Variants in ABCB11 observed in about 807,000 individuals in gnomAD.
The protein encoded by ABCB11 is bile salt export pump.
ABCB11 carries 95 observed loss-of-function variants against 148.0 expected under a neutral mutation model. The observed-to-expected ratio is 0.64, with a 90% CI of 0.54 to 0.76. The LOEUF (loss-of-function observed/expected upper bound fraction) is 0.76. ABCB11 is among the 30% of genes least tolerant of loss of function. The probability of loss-of-function intolerance (pLI) is 0.00; values close to 1 mark genes in which losing one functional copy is unlikely to be tolerated. For synonymous variants in ABCB11, 591 were observed against 555.4 expected (o/e 1.06, Z -0.90); for missense variants, 1,523 against 1,617.8 (o/e 0.94, Z 1.01).
intron 5 of ABCB11, among the ~76,000 whole-genome samples, chr2:169,007,075 T>C (rs550005755): frequency 2.1e-4 from 32 of 152,280 alleles, no homozygotes; most frequent in African/African-American, 7.7e-4. Context: ...TCCCTAGTAG[T>C]AGAATCACAC....
intron 12 of ABCB11, among the ~76,000 whole-genome samples, chr2:168,974,446 A>G (rs10200453): frequency 0.57 from 86,740 of 151,736 alleles, 25,025 homozygotes; most frequent in East Asian, 0.72. Context: ...ATTTTCACCA[A>G]TTAAGAGGTG....
At chr2:168,924,581 C>T (rs757403151) in intron 27 of ABCB11, 76 bp downstream of exon 27, 114 of 1,446,076 alleles carry the variant, frequency 7.9e-5, no homozygotes, top group Non-Finnish European at 1.0e-4. Context: ...GAAAATAGTG[C>T]CATTTTATTA....
intron 25 of ABCB11, among the ~76,000 whole-genome samples, chr2:168,928,620 C>G (rs779624320): frequency 5.9e-5 from 9 of 152,168 alleles, no homozygotes; most frequent in Non-Finnish European, 1.0e-4. Flanking sequence ...AGAACATTCA[C>G]TGGGCATATT....
intron 11 of ABCB11, among the ~76,000 whole-genome samples, chr2:168,977,069 G>T (rs1693939620): frequency 6.8e-6 from 1 of 147,586 alleles, no homozygotes; most frequent in South Asian, 2.1e-4. Flanking sequence ...TGTTGTTACT[G>T]AGATATTATA....
intron 5 of ABCB11, among the ~76,000 whole-genome samples, chr2:169,007,362 G>T (rs149836012): frequency 5.3e-5 from 8 of 152,282 alleles, no homozygotes; most frequent in African/African-American, 1.9e-4. Flanking sequence ...GTGGATCGTA[G>T]ACTAACCGTG....
chr2:168,969,387 G>A lies in ABCB11; in HGVS notation c.1974C>T (p.Ser658=). The change falls in exon 16 of 28, where the codon AGC becomes AGT. Residue 658 remains serine (S), a synonymous_variant. Transcript: ENST00000650372. The stretch of plus-strand genomic sequence containing the variant: ...CTTCATTAAGAGCTTGATTTCCCTG[G>A]CTTTGCAAAGTCACTAGAGTGAAGT... ...GVYFTLVTLQ[S]QGNQALNEED... 1 of 1,612,388 alleles carries A rather than the reference G, an allele frequency of 6.2e-7. No homozygotes were observed. Among genetic ancestry groups the A allele is most frequent in the Non-Finnish European group, 8.5e-7 (1 of 1,179,146 alleles).
At position 168,941,649 on chromosome 2, in the gene ABCB11, A is replaced by G. The variant is rs140801079; in HGVS notation, c.2610+2956T>C. 3.2e-3 allele frequency among the ~76,000 whole-genome samples: 484 copies of G among 152,180 alleles called. 4 individuals carry two copies. The highest frequency in any genetic ancestry group is 6.8e-3 in the Middle Eastern group (2 of 294). The stretch of plus-strand genomic sequence containing the variant: ...TAGCAGCAGGGTTTAAGAGAACTCA[A>G]TCCAATTTTGAAAGACATTCTACTG... On this transcript the variant is annotated intron_variant, in intron 21 of 27. Transcript: ENST00000650372.
chr2:169,023,669 C>T (rs1360940896), intron 1 of ABCB11, among the ~76,000 whole-genome samples: 1 of 152,094 alleles, frequency 6.6e-6, no homozygotes, highest in African/African-American at 2.4e-5. Context: ...CTGTATGATA[C>T]CATTTATGTA....
At chr2:169,016,741 T>C (rs774946550) in intron 3 of ABCB11, 37 bp downstream of exon 3, 5 of 1,561,582 alleles carry the variant, frequency 3.2e-6, no homozygotes, top group Non-Finnish European at 4.4e-6. Context: ...GGAGTTATTC[T>C]AGAAAAGATG....
chr2:168,970,747 T>C (rs570150869), intron 14 of ABCB11, among the ~76,000 whole-genome samples: 14 of 152,154 alleles, frequency 9.2e-5, no homozygotes, highest in African/African-American at 3.1e-4. Context: ...TCTTGCTTAT[T>C]ACTAACCAAC....
intron 1 of ABCB11, among the ~76,000 whole-genome samples, chr2:169,030,060 G>A (rs13397300): frequency 6.6e-6 from 1 of 152,136 alleles, no homozygotes; most frequent in Non-Finnish European, 1.5e-5. Context: ...TCTTGACCAA[G>A]CAAAACACAA....
At chr2:168,930,541 T>C (rs2105888113) in intron 25 of ABCB11, 124 bp downstream of exon 25, 2 of 631,020 alleles carry the variant, frequency 3.2e-6, no homozygotes, top group Non-Finnish European at 4.7e-6. Context: ...AAAATATGCA[T>C]GGGGTAAGTG....
At chr2:168,980,619 G>T (rs1694102343) in intron 10 of ABCB11, among the ~76,000 whole-genome samples, 2 of 152,152 alleles carry the variant, frequency 1.3e-5, no homozygotes, top group South Asian at 4.1e-4. Context: ...ATTTGCACTA[G>T]GTTACAACAT....
At chr2:169,024,091 G>A (rs541758539) in intron 1 of ABCB11, among the ~76,000 whole-genome samples, 4 of 152,204 alleles carry the variant, frequency 2.6e-5, no homozygotes, top group South Asian at 2.1e-4. Flanking sequence ...AACGCATGCC[G>A]GGCTTAATAC....
At chr2:169,021,174 G>C (rs1355849611) in intron 1 of ABCB11, among the ~76,000 whole-genome samples, 1 of 151,938 alleles carries the variant, frequency 6.6e-6, no homozygotes, top group Non-Finnish European at 1.5e-5. Flanking sequence ...TATTGGCCAG[G>C]CTGGTCTCAA....
downstream of ABCB11, among the ~76,000 whole-genome samples, chr2:168,920,120 C>T (rs1691031884): frequency 6.6e-6 from 1 of 152,120 alleles, no homozygotes; most frequent in African/African-American, 2.4e-5. Context: ...CTTGCCTCGG[C>T]CTCCTAAAGT....
chr2:168,974,396 G>A (rs376717412), intron 12 of ABCB11, among the ~76,000 whole-genome samples: 3 of 151,896 alleles, frequency 2.0e-5, no homozygotes, highest in Non-Finnish European at 4.4e-5. Flanking sequence ...TAGGTCTTGC[G>A]AGGAAAGAAT....
chr2:169,012,252 T>C (rs561087228), intron 5 of ABCB11, among the ~76,000 whole-genome samples: 1 of 152,292 alleles, frequency 6.6e-6, no homozygotes, highest in East Asian at 1.9e-4. Context: ...CCTGAATATG[T>C]GGGTTCCTAT....
chr2:169,006,338 T>A (rs1695018600), intron 5 of ABCB11, among the ~76,000 whole-genome samples: 2 of 152,140 alleles, frequency 1.3e-5, no homozygotes, highest in African/African-American at 4.8e-5. Context: ...ATGACTCAAT[T>A]CATGACTTAA....
Sources: allele counts gnomAD v4.1 joint callset (sites outside exome capture counted in the v4.1 genomes callset), GRCh38; gene constraint gnomAD v4.1.1; transcripts MANE v1.5; gene names NCBI Gene and HGNC (gene_info 2026-07-23, HGNC 2026-07-21).